UVRAG: variants seen among roughly 807,000 people sequenced by gnomAD.
UVRAG encodes UV radiation resistance-associated gene protein.
Under a neutral mutation model 78.0 loss-of-function variants are expected in UVRAG, and 19 were observed. That is an observed-to-expected ratio of 0.24 (90% CI 0.17 to 0.36). The LOEUF is 0.36. Ranked by LOEUF, UVRAG falls within the 10% of genes least tolerant of loss-of-function variation. The pLI is 1.00. For missense variants in UVRAG, 740 were observed against 853.8 expected, an observed-to-expected ratio of 0.87 and a Z score of 1.66; for synonymous variants, 323 against 324.6, an observed-to-expected ratio of 1.00 and a Z score of 0.05.
At chr11:76,013,799 A>G (rs1950096298) in intron 11 of UVRAG, among the ~76,000 whole-genome samples, 1 of 152,178 alleles carries the variant, frequency 6.6e-6, no homozygotes, top group Non-Finnish European at 1.5e-5. Context: ...TTTTGAGGGT[A>G]TTGAAATACC....
chr11:75,958,958 A>G (rs765836720), intron 6 of UVRAG, among the ~76,000 whole-genome samples: 1 of 152,236 alleles, frequency 6.6e-6, no homozygotes, highest in Non-Finnish European at 1.5e-5. Context: ...CCAATGAACA[A>G]TAATATTTTG....
intron 5 of UVRAG, among the ~76,000 whole-genome samples, chr11:75,891,117 A>G (rs963769941): frequency 6.6e-6 from 1 of 152,162 alleles, no homozygotes; most frequent in Non-Finnish European, 1.5e-5. Flanking sequence ...CTCCTCTTCT[A>G]AGTTCCTATA....
intron 13 of UVRAG, among the ~76,000 whole-genome samples, chr11:76,066,454 C>T (rs1225857117): frequency 6.6e-6 from 1 of 152,072 alleles, no homozygotes; most frequent in Non-Finnish European, 1.5e-5. Context: ...GGAAGACTAA[C>T]TTCCTTTGTT....
At chr11:76,065,131 T>C (rs1951163253) in intron 12 of UVRAG, among the ~76,000 whole-genome samples, 1 of 152,238 alleles carries the variant, frequency 6.6e-6, no homozygotes, top group Non-Finnish European at 1.5e-5. Flanking sequence ...TGGAAATTCA[T>C]GTATGAGAGC....
chr11:76,121,788 CCAGATGTTGCTCTCA>C (rs1179942083), intron 14 of UVRAG, among the ~76,000 whole-genome samples: 14 of 152,228 alleles, frequency 9.2e-5, no homozygotes, highest in Non-Finnish European at 1.8e-4. Flanking sequence ...TCTGCCCTAT[CCAGATGTTGCTCTCA>C]CTTCAAGACC....
chr11:75,854,127 A>G (rs1338259973), intron 2 of UVRAG, among the ~76,000 whole-genome samples: 2 of 152,316 alleles, frequency 1.3e-5, no homozygotes, highest in Non-Finnish European at 1.5e-5. Context: ...AATGCTAGCT[A>G]TTGTAACAAA....
intron 6 of UVRAG, among the ~76,000 whole-genome samples, chr11:75,949,938 TTTC>T (rs1329913742): frequency 1.3e-5 from 2 of 152,038 alleles, no homozygotes; most frequent in Non-Finnish European, 2.9e-5. Context: ...CTGGGACACT[TTTC>T]TTACTGCCTT....
chr11:76,010,386 G>T (rs925179695), intron 11 of UVRAG, among the ~76,000 whole-genome samples: 2 of 152,188 alleles, frequency 1.3e-5, no homozygotes, highest in African/African-American at 2.4e-5. Flanking sequence ...AAAGGAATAT[G>T]CTATCCCAGA....
chr11:76,127,107 T>C (rs1025625871), intron 14 of UVRAG, among the ~76,000 whole-genome samples: 2 of 152,240 alleles, frequency 1.3e-5, no homozygotes, highest in Non-Finnish European at 2.9e-5. Flanking sequence ...ACTCTCTGTC[T>C]TCTCTACTAG....
intron 12 of UVRAG, among the ~76,000 whole-genome samples, chr11:76,047,554 A>G (rs753123800): frequency 1.3e-5 from 2 of 152,182 alleles, no homozygotes; most frequent in Non-Finnish European, 2.9e-5. Flanking sequence ...AGAGAAGGAC[A>G]AGGGAAGGGA....
intron 6 of UVRAG, among the ~76,000 whole-genome samples, chr11:75,949,111 G>A (rs1041388172): frequency 6.6e-6 from 1 of 152,034 alleles, no homozygotes; most frequent in Non-Finnish European, 1.5e-5. Context: ...TGAGGTGAAC[G>A]GATTTGAAAT....
chr11:75,834,534 G>A (rs1945737164), intron 1 of UVRAG, among the ~76,000 whole-genome samples: 1 of 152,184 alleles, frequency 6.6e-6, no homozygotes, highest in Admixed American at 6.5e-5. Context: ...CATGCATGGG[G>A]CCGGGCGCAG....
chr11:75,862,889 T>C (rs191322313), intron 3 of UVRAG, among the ~76,000 whole-genome samples: 1 of 152,346 alleles, frequency 6.6e-6, no homozygotes, highest in Non-Finnish European at 1.5e-5. Flanking sequence ...TAGAATAGTA[T>C]AGATGCTCAG....
chr11:75,963,599 T>G (rs1467003332), intron 7 of UVRAG, among the ~76,000 whole-genome samples: 1 of 152,202 alleles, frequency 6.6e-6, no homozygotes, highest in Non-Finnish European at 1.5e-5. Flanking sequence ...TTAACCTACG[T>G]AAAAATGCAG....
chr11:75,979,385 C>A (rs1565101222), intron 7 of UVRAG: 2 of 152,370 alleles, frequency 1.3e-5, no homozygotes, highest in Non-Finnish European at 2.9e-5. Context: ...CTGGGAGAAC[C>A]ACTACTCTCT....
intron 13 of UVRAG, among the ~76,000 whole-genome samples, chr11:76,066,210 C>T (rs1036486437): frequency 6.6e-6 from 1 of 152,142 alleles, no homozygotes; most frequent in Non-Finnish European, 1.5e-5. Flanking sequence ...CTTTATTATT[C>T]AGGGCCCGAA....
At chr11:75,947,345 C>G (rs1217696279) in intron 6 of UVRAG, among the ~76,000 whole-genome samples, 1 of 152,032 alleles carries the variant, frequency 6.6e-6, no homozygotes, top group East Asian at 1.9e-4. Context: ...ATAAGTCCTG[C>G]TAATAACCAA....
chr11:75,891,514 A>G (rs192578711), intron 5 of UVRAG, among the ~76,000 whole-genome samples: 4 of 152,300 alleles, frequency 2.6e-5, no homozygotes, highest in Admixed American at 2.0e-4. Flanking sequence ...CTTCACATCT[A>G]TTATTGTATT....
At chr11:75,974,311 T>G (rs1949186090) in intron 7 of UVRAG, among the ~76,000 whole-genome samples, 1 of 151,942 alleles carries the variant, frequency 6.6e-6, no homozygotes, top group Non-Finnish European at 1.5e-5. Flanking sequence ...CCAGTGATGA[T>G]GAGCATTTTT....
Sources: allele counts gnomAD v4.1 joint callset (sites outside exome capture counted in the v4.1 genomes callset), GRCh38; gene constraint gnomAD v4.1.1; transcripts MANE v1.5; gene names NCBI Gene and HGNC (gene_info 2026-07-23, HGNC 2026-07-21).